CDKAL1: variants seen among roughly 807,000 people sequenced by gnomAD.
The protein encoded by CDKAL1 is threonylcarbamoyladenosine tRNA methylthiotransferase.
A neutral mutation model predicts 68.2 loss-of-function variants in CDKAL1; 32 were observed. The ratio of observed to expected loss-of-function variants is 0.47; its 90% CI spans 0.35 to 0.63. The LOEUF (loss-of-function observed/expected upper bound fraction) is 0.63. CDKAL1 is among the 30% of genes least tolerant of loss of function. CDKAL1 has a pLI of 0.00. For missense variants in CDKAL1, 606 were observed against 696.7 expected, an observed-to-expected ratio of 0.87 and a Z score of 1.47; for synonymous variants, 234 against 244.3, an observed-to-expected ratio of 0.96 and a Z score of 0.39.
At chr6:21,168,124 A>C (rs1265085987) in intron 13 of CDKAL1, among the ~76,000 whole-genome samples, 1 of 152,212 alleles carries the variant, frequency 6.6e-6, no homozygotes, top group Non-Finnish European at 1.5e-5. Context: ...TTGAGCATAA[A>C]AGCCGAAAAT....
chr6:20,547,249 G>T (rs1212159976), intron 3 of CDKAL1, among the ~76,000 whole-genome samples: 1 of 152,244 alleles, frequency 6.6e-6, no homozygotes, highest in East Asian at 1.9e-4. Flanking sequence ...TGGTTAAAAA[G>T]AAATGAGATG....
At chr6:20,556,549 G>A (rs981026062) in intron 4 of CDKAL1, among the ~76,000 whole-genome samples, 2 of 152,148 alleles carry the variant, frequency 1.3e-5, no homozygotes, top group Non-Finnish European at 2.9e-5. Flanking sequence ...GTATAGGGCT[G>A]TTAACTTATA....
Position 20,992,905 on chromosome 6 carries a change from GA to G in CDKAL1, c.910-7309del, listed in dbSNP as rs57746939. Among the ~76,000 whole-genome samples, 8 of 144,112 alleles carry G rather than the reference GA, an allele frequency of 5.6e-5. No individual in the cohort carries two copies. In the East Asian group the frequency reaches 6.1e-4, roughly 11 times the overall value. The allele number at this position is 144,112 out of a possible 152,430, so 94.5% of individuals were successfully genotyped here. ...CAACAGAATGAGACTCTGTCTCAAA[GA>G]AAAAAAAAAAAAGAAATAAATCCTT... On this transcript the variant is annotated intron_variant, in intron 10 of 15. Coordinates refer to ENST00000274695, the MANE Select transcript of CDKAL1 (RefSeq NM_017774.3).
intron 11 of CDKAL1, among the ~76,000 whole-genome samples, chr6:21,049,724 G>T (rs1770436237): frequency 6.6e-6 from 1 of 151,952 alleles, no homozygotes. Flanking sequence ...TGTGCTTGAA[G>T]CCAAATGATA....
intron 11 of CDKAL1, among the ~76,000 whole-genome samples, chr6:21,004,953 T>G (rs1285240291): frequency 2.6e-5 from 4 of 152,104 alleles, no homozygotes; most frequent in Non-Finnish European, 4.4e-5. Flanking sequence ...CAGAGCAAGA[T>G]CCTGTCTTTC....
chr6:20,667,613 G>A (rs936550784), intron 5 of CDKAL1, among the ~76,000 whole-genome samples: 4 of 152,016 alleles, frequency 2.6e-5, no homozygotes, highest in African/African-American at 7.2e-5. Context: ...TAAGTACTTC[G>A]TATTTTTTCC....
chr6:20,541,994 G>A (rs1365813286), intron 2 of CDKAL1, among the ~76,000 whole-genome samples: 1 of 152,226 alleles, frequency 6.6e-6, no homozygotes, highest in African/African-American at 2.4e-5. Context: ...TGGTACGTAT[G>A]TTAACTATAA....
intron 13 of CDKAL1, among the ~76,000 whole-genome samples, chr6:21,140,547 C>G (rs1354901598): frequency 6.6e-6 from 1 of 152,192 alleles, no homozygotes. Flanking sequence ...ACCCAAGGTT[C>G]TCAGTCAGGG....
intron 4 of CDKAL1, among the ~76,000 whole-genome samples, chr6:20,555,473 A>G (rs558006399): frequency 7.0e-4 from 106 of 151,990 alleles, no homozygotes; most frequent in African/African-American, 2.4e-3. Flanking sequence ...GGCATGCACC[A>G]CCACGCTCAG....
intron 13 of CDKAL1, among the ~76,000 whole-genome samples, chr6:21,196,932 C>T (rs781675599): frequency 6.6e-5 from 10 of 152,018 alleles, no homozygotes; most frequent in Non-Finnish European, 1.3e-4. Context: ...CCGAGGCAGG[C>T]GGATCACCTG....
chr6:21,037,072 C>T (rs1219814045), intron 11 of CDKAL1, among the ~76,000 whole-genome samples: 1 of 151,998 alleles, frequency 6.6e-6, no homozygotes, highest in Non-Finnish European at 1.5e-5. Context: ...TGTTTGTTTG[C>T]TTGTTCTCAT....
intron 9 of CDKAL1, among the ~76,000 whole-genome samples, chr6:20,933,121 C>T (rs768545387): frequency 6.6e-6 from 1 of 152,268 alleles, no homozygotes; most frequent in Non-Finnish European, 1.5e-5. Context: ...CACAAAAACT[C>T]CATCTCAGGA....
chr6:21,096,107 C>T (rs1447552092), intron 12 of CDKAL1, among the ~76,000 whole-genome samples: 1 of 152,168 alleles, frequency 6.6e-6, no homozygotes, highest in Non-Finnish European at 1.5e-5. Flanking sequence ...GAGGAATCAT[C>T]ATAAAAACGA....
At chr6:20,852,315 A>G (rs1759059884) in intron 9 of CDKAL1, among the ~76,000 whole-genome samples, 1 of 152,202 alleles carries the variant, frequency 6.6e-6, no homozygotes, top group African/African-American at 2.4e-5. Context: ...TATACACTGT[A>G]CCAAGAGAAG....
At chr6:20,563,037 T>C (rs1329585544) in intron 4 of CDKAL1, among the ~76,000 whole-genome samples, 1 of 152,230 alleles carries the variant, frequency 6.6e-6, no homozygotes, top group East Asian at 1.9e-4. Flanking sequence ...TTTGGTGATC[T>C]TATTGACTTG....
chr6:20,742,825 T>A (rs974533970), intron 6 of CDKAL1, among the ~76,000 whole-genome samples: 17 of 152,108 alleles, frequency 1.1e-4, no homozygotes, highest in African/African-American at 3.9e-4. Context: ...TTTGTTAATA[T>A]CATTTTGTAG....
intron 9 of CDKAL1, among the ~76,000 whole-genome samples, chr6:20,941,818 G>A (rs995491081): frequency 8.5e-5 from 13 of 152,174 alleles, no homozygotes; most frequent in Non-Finnish European, 1.5e-4. Flanking sequence ...TATTGTTTTC[G>A]TCAGTGCTAG....
At chr6:20,970,191 A>C (rs897293853) in intron 10 of CDKAL1, among the ~76,000 whole-genome samples, 3 of 151,750 alleles carry the variant, frequency 2.0e-5, no homozygotes, top group African/African-American at 7.3e-5. Context: ...AGAAGTTACA[A>C]CTCTATTATG....
At chr6:20,623,978 T>G (rs1767309913) in intron 4 of CDKAL1, among the ~76,000 whole-genome samples, 1 of 152,162 alleles carries the variant, frequency 6.6e-6, no homozygotes, top group Admixed American at 6.5e-5. Context: ...ATATGCTCAA[T>G]AAATGATAGC....
Sources: allele counts gnomAD v4.1 joint callset (sites outside exome capture counted in the v4.1 genomes callset), GRCh38; gene constraint gnomAD v4.1.1; transcripts MANE v1.5; gene names NCBI Gene and HGNC (gene_info 2026-07-23, HGNC 2026-07-21).